The following SESN3 variants were observed in gnomAD, a reference collection of about 807,000 sequenced individuals.
SESN3 encodes the protein sestrin 3.
A neutral mutation model predicts 55.3 loss-of-function variants in SESN3; 21 were observed. That is an observed-to-expected ratio of 0.38 (90% CI 0.27 to 0.55). The LOEUF is 0.55. SESN3 is among the 20% of genes least tolerant of loss of function. The probability of loss-of-function intolerance (pLI) is 0.76; values close to 1 mark genes in which losing one functional copy is unlikely to be tolerated. For missense variants in SESN3, 408 were observed against 604.3 expected, an observed-to-expected ratio of 0.68 and a Z score of 3.41; for synonymous variants, 181 against 203.1, an observed-to-expected ratio of 0.89 and a Z score of 0.93.
At chr11:95,231,851 T>TG, upstream of SESN3, 1 of 152,340 alleles carries the variant, frequency 6.6e-6, no homozygotes, top group East Asian at 1.9e-4. Flanking sequence ...ACTTGAGGCT[T>TG]GGGAGGCGGA....
At chr11:95,228,260 C>G (rs557273995) in intron 1 of SESN3, among the ~76,000 whole-genome samples, 1 of 152,294 alleles carries the variant, frequency 6.6e-6, no homozygotes, top group African/African-American at 2.4e-5. Context: ...CACACTGCAA[C>G]AAATTAAGCC....
chr11:95,202,459 C>T (rs933694663), intron 1 of SESN3, among the ~76,000 whole-genome samples: 1 of 151,950 alleles, frequency 6.6e-6, no homozygotes, highest in Non-Finnish European at 1.5e-5. Flanking sequence ...CCTCTGGATG[C>T]CTATTTGTTT....
At position 95,231,174 on chromosome 11, in the gene SESN3, C is replaced by T. The variant is rs1861058741; in HGVS notation, c.-314G>A. On this transcript the variant is annotated 5_prime_UTR_variant, in exon 1 of 10. Transcript: ENST00000536441. ...CGAGCAGCCGCCACCGCTGCCACCG[C>T]CACCACCGCCGCCGCAGCGCCTCAG... The T allele has an allele frequency of 4.8e-6, 2 of 413,088 alleles. No homozygotes were observed. Among genetic ancestry groups the T allele is most frequent in the African/African-American group, 2.1e-5 (1 of 48,164 alleles). 25.6% of individuals were successfully genotyped at this position (413,088 alleles called of 1,614,324 possible).
chr11:95,207,561 A>G (rs1472671480), intron 1 of SESN3, among the ~76,000 whole-genome samples: 4 of 151,624 alleles, frequency 2.6e-5, no homozygotes, highest in African/African-American at 9.7e-5. Context: ...GTTTTCAGAA[A>G]GAAAATAAGC....
At chr11:95,204,482 C>T (rs1214059829) in intron 1 of SESN3, among the ~76,000 whole-genome samples, 1 of 150,522 alleles carries the variant, frequency 6.6e-6, no homozygotes, top group East Asian at 1.9e-4. Flanking sequence ...ATGTTCCTGT[C>T]CCCCCCCTCA....
At chr11:95,189,108 C>G (rs1017510685) in intron 4 of SESN3, among the ~76,000 whole-genome samples, 1 of 151,816 alleles carries the variant, frequency 6.6e-6, no homozygotes, top group Non-Finnish European at 1.5e-5. Flanking sequence ...ACAAAGGTTT[C>G]CACTGATAAT....
chr11:95,211,045 C>T (rs1860645518), intron 1 of SESN3, among the ~76,000 whole-genome samples: 1 of 152,156 alleles, frequency 6.6e-6, no homozygotes, highest in Non-Finnish European at 1.5e-5. Context: ...TGCTCTGACA[C>T]AATTATAGTG....
rs1396183526 is a variant in SESN3, at chr11:95,169,254, A to C, written c.*4001T>G. On this transcript the variant is annotated 3_prime_UTR_variant, in exon 10 of 10. Coordinates refer to ENST00000536441, the MANE Select transcript of SESN3 (RefSeq NM_144665.4). ...AGAAAGACTATTTAATTTGATTCTCAGTCTCCAGAGGGATATAATAGGGAA... is the reference window on the plus strand; with the variant it reads ...AGAAAGACTATTTAATTTGATTCTCCGTCTCCAGAGGGATATAATAGGGAA... 1 of 152,222 alleles carries C rather than the reference A, an allele frequency of 6.6e-6. No individual in the cohort carries two copies. The highest frequency in any genetic ancestry group is 1.5e-5 in the Non-Finnish European group (1 of 68,034). 9.4% of individuals were successfully genotyped at this position (152,222 alleles called of 1,614,324 possible).
chr11:95,216,856 C>T (rs1322588343), intron 1 of SESN3, among the ~76,000 whole-genome samples: 1 of 151,662 alleles, frequency 6.6e-6, no homozygotes, highest in African/African-American at 2.4e-5. Context: ...ACCTGTAATC[C>T]CAGCACTTTG....
At chr11:95,227,597 G>A (rs966135528) in intron 1 of SESN3, among the ~76,000 whole-genome samples, 1 of 152,092 alleles carries the variant, frequency 6.6e-6, no homozygotes, top group East Asian at 1.9e-4. Flanking sequence ...AGTGAAAAGT[G>A]CAATAACAAT....
intron 1 of SESN3, among the ~76,000 whole-genome samples, chr11:95,229,483 A>G (rs984873285): frequency 3.3e-5 from 5 of 152,096 alleles, no homozygotes; most frequent in African/African-American, 9.7e-5. Context: ...CAAATCTGCA[A>G]TCCCTTTGCT....
In SESN3 at chr11:95,167,407, T is replaced by C. The variant is rs981891322; in HGVS notation, c.*5848A>G. On this transcript the variant is annotated 3_prime_UTR_variant, in exon 10 of 10. Transcript: ENST00000536441. Reference sequence around the variant, plus strand: ...CTGTTCTAAAGGCTATTTTGTGGTATGCCCTGCACGATCTCAAAGATTTCC... The same window carrying C: ...CTGTTCTAAAGGCTATTTTGTGGTACGCCCTGCACGATCTCAAAGATTTCC... 11 of 152,044 alleles carry C rather than the reference T, an allele frequency of 7.2e-5. No individual in the cohort carries two copies. Among genetic ancestry groups the C allele is most frequent in the Admixed American group, 3.9e-4 (6 of 15,260 alleles). 9.4% of individuals were successfully genotyped at this position (152,044 alleles called of 1,614,324 possible).
In SESN3 at chr11:95,173,129, A is replaced by AAAAC; in HGVS notation, c.*125_*126insGTTT. On this transcript the variant is annotated 3_prime_UTR_variant, in exon 10 of 10. Transcript: ENST00000536441. ...ACAGCCGCAAAAAACAAAAAAAAAA[A>AAAAC]AACAAACGGCTAAACTTTGACACTA... The AAAAC allele has an allele frequency of 1.8e-6, 1 of 546,530 alleles. No individual in the cohort carries two copies. The highest frequency in any genetic ancestry group is 3.7e-5 in the South Asian group (1 of 27,330). 33.9% of individuals were successfully genotyped at this position (546,530 alleles called of 1,614,324 possible).
intron 1 of SESN3, among the ~76,000 whole-genome samples, chr11:95,206,571 C>A (rs1860552893): frequency 6.6e-6 from 1 of 152,060 alleles, no homozygotes; most frequent in Non-Finnish European, 1.5e-5. Context: ...CAAAGACTTC[C>A]TTTAATTTGT....
chr11:95,199,092 A>T (rs1193717301), intron 1 of SESN3, among the ~76,000 whole-genome samples: 1 of 152,120 alleles, frequency 6.6e-6, no homozygotes, highest in Non-Finnish European at 1.5e-5. Flanking sequence ...GAATGAAAGA[A>T]ATTATCTAAA....
chr11:95,182,189 A>G, intron 6 of SESN3: 1 of 325,024 alleles, frequency 3.1e-6, no homozygotes, highest in African/African-American at 2.3e-5. Flanking sequence ...GAGAAATAAA[A>G]CATTGATATT....
chr11:95,209,666 T>C (rs1282540720), intron 1 of SESN3, among the ~76,000 whole-genome samples: 1 of 151,258 alleles, frequency 6.6e-6, no homozygotes, highest in East Asian at 1.9e-4. Flanking sequence ...CTATCAATGA[T>C]AGACTGGATA....
chr11:95,197,989 C>T (rs1471977096), intron 1 of SESN3, among the ~76,000 whole-genome samples: 1 of 152,114 alleles, frequency 6.6e-6, no homozygotes. Context: ...CCAGCTGTTC[C>T]TCCTCACTTT....
At chr11:95,179,949 C>T (rs1399491606) in intron 6 of SESN3, among the ~76,000 whole-genome samples, 2 of 151,860 alleles carry the variant, frequency 1.3e-5, no homozygotes, top group Admixed American at 1.3e-4. Flanking sequence ...TTTAAATATC[C>T]AATGCATATT....
Sources: gnomAD v4.1 joint callset for allele counts (sites outside exome capture counted in the v4.1 genomes callset) on GRCh38, gnomAD v4.1.1 for gene constraint, MANE v1.5 for transcripts, NCBI Gene and HGNC (gene_info 2026-07-23, HGNC 2026-07-21) for gene names.